The following LRFN2 variants were observed in gnomAD, a reference collection of about 807,000 sequenced individuals.
The protein encoded by LRFN2 is leucine-rich repeat and fibronectin type-III domain-containing protein 2.
In LRFN2, 18 loss-of-function variants were observed where a neutral mutation model predicts 37.3. The ratio of observed to expected loss-of-function variants is 0.48; its 90% CI spans 0.33 to 0.72. LRFN2 has a LOEUF of 0.72. Ranked by LOEUF, LRFN2 falls within the 30% of genes least tolerant of loss-of-function variation. The pLI is 0.02. For synonymous variants in LRFN2, 556 were observed against 466.6 expected (o/e 1.19, Z -2.47); for missense variants, 1,006 against 1,060.7 (o/e 0.95, Z 0.72).
chr6:40,539,787 A>G (rs1581785488), intron 1 of LRFN2, among the ~76,000 whole-genome samples: 2 of 152,194 alleles, frequency 1.3e-5, no homozygotes, highest in East Asian at 3.9e-4. Flanking sequence ...GAGAGGTTTT[A>G]GAGGGGTGTG....
At chr6:40,540,088 A>G (rs1766524636) in intron 1 of LRFN2, among the ~76,000 whole-genome samples, 1 of 152,162 alleles carries the variant, frequency 6.6e-6, no homozygotes, top group Non-Finnish European at 1.5e-5. Context: ...TTGAGAGAAC[A>G]CATGTGGTGT....
At chr6:40,494,983 G>T (rs1056277934) in intron 1 of LRFN2, among the ~76,000 whole-genome samples, 1 of 152,032 alleles carries the variant, frequency 6.6e-6, no homozygotes. Flanking sequence ...CCCAACCCTG[G>T]TTAAACCCAA....
chr6:40,478,780 A>G lies in LRFN2; in HGVS notation c.-18-45649T>C, dbSNP rs1290650870. On this transcript the variant is annotated intron_variant, in intron 1 of 2. Coordinates refer to ENST00000338305, the MANE Select transcript of LRFN2 (RefSeq NM_020737.3). ...TGTATGTGTGTGTATGCACACATGC[A>G]CATATGTGTAGTGTGTGAGGCCACA... 2.6e-5 allele frequency among the ~76,000 whole-genome samples: 4 copies of G among 152,208 alleles called. No individual in the cohort carries two copies. In the South Asian group the frequency reaches 8.3e-4, roughly 32 times the overall value.
At chr6:40,553,599 G>C (rs969657814) in intron 1 of LRFN2, among the ~76,000 whole-genome samples, 16 of 152,184 alleles carry the variant, frequency 1.1e-4, no homozygotes, top group Admixed American at 5.9e-4. Flanking sequence ...TCTGCATCAT[G>C]TTCTGAGATC....
chr6:40,463,594 T>C (rs548262028), intron 1 of LRFN2, among the ~76,000 whole-genome samples: 75 of 152,196 alleles, frequency 4.9e-4, no homozygotes, highest in Admixed American at 9.8e-4. Flanking sequence ...CCCAGAGTTT[T>C]AAGTGAGCAG....
chr6:40,419,992 C>A (rs1251899484), intron 2 of LRFN2, among the ~76,000 whole-genome samples: 1 of 152,224 alleles, frequency 6.6e-6, no homozygotes, highest in African/African-American at 2.4e-5. Flanking sequence ...TGGTGTTTAA[C>A]AGATCTCTTC....
chr6:40,487,481 T>C (rs368606904), intron 1 of LRFN2, among the ~76,000 whole-genome samples: 20 of 152,310 alleles, frequency 1.3e-4, no homozygotes, highest in African/African-American at 4.8e-4. Flanking sequence ...CTCATCTCAC[T>C]AAATGGCAAC....
chr6:40,541,139 A>T (rs1211977992), intron 1 of LRFN2, among the ~76,000 whole-genome samples: 1 of 151,260 alleles, frequency 6.6e-6, no homozygotes, highest in African/African-American at 2.4e-5. Context: ...TCAGATCCTG[A>T]CTCCTTCCCC....
chr6:40,453,599 G>A (rs150310593), intron 1 of LRFN2, among the ~76,000 whole-genome samples: 10 of 151,568 alleles, frequency 6.6e-5, no homozygotes, highest in African/African-American at 1.5e-4. Flanking sequence ...CTCTCTTTGC[G>A]TTGACTTTGA....
At position 40,399,654 on chromosome 6, in the gene LRFN2, T is replaced by A. The variant is rs149917592; in HGVS notation, c.1401-6742A>T. Among the ~76,000 whole-genome samples the A allele has an allele frequency of 9.2e-3, 1,386 of 151,448 alleles. 35 individuals carry two copies. Among genetic ancestry groups the A allele is most frequent in the Non-Finnish European group, 0.013 (877 of 67,732 alleles). ...GGTTTCACCATGTTGCCCACGGTGG[T>A]CTTGAACTCTTGAGCTCAGACCATC... On this transcript the variant is annotated intron_variant, in intron 2 of 2. Coordinates refer to ENST00000338305, the MANE Select transcript of LRFN2 (RefSeq NM_020737.3).
At chr6:40,522,202 C>T (rs1190945410) in intron 1 of LRFN2, among the ~76,000 whole-genome samples, 1 of 152,028 alleles carries the variant, frequency 6.6e-6, no homozygotes, top group Non-Finnish European at 1.5e-5. Context: ...AACTAAATGG[C>T]AATGTGGGAC....
At chr6:40,543,305 C>A (rs1034693119) in intron 1 of LRFN2, among the ~76,000 whole-genome samples, 1 of 152,226 alleles carries the variant, frequency 6.6e-6, no homozygotes, top group African/African-American at 2.4e-5. Flanking sequence ...TGGTTAGAGC[C>A]CAGGACACAC....
At chr6:40,524,207 C>T (rs1325435913) in intron 1 of LRFN2, among the ~76,000 whole-genome samples, 1 of 152,146 alleles carries the variant, frequency 6.6e-6, no homozygotes, top group Non-Finnish European at 1.5e-5. Flanking sequence ...CCCTAACCTA[C>T]CAAAACAAAA....
intron 1 of LRFN2, among the ~76,000 whole-genome samples, chr6:40,530,161 G>A (rs1428359953): frequency 1.3e-5 from 2 of 152,112 alleles, no homozygotes; most frequent in Non-Finnish European, 2.9e-5. Flanking sequence ...CCATCCTCTG[G>A]ACTCTGTGCC....
At chr6:40,511,186 A>G (rs991869976) in intron 1 of LRFN2, among the ~76,000 whole-genome samples, 2 of 152,092 alleles carry the variant, frequency 1.3e-5, no homozygotes, top group Admixed American at 1.3e-4. Context: ...CAAAAATAAC[A>G]TGTATGGGTC....
At chr6:40,530,857 T>C (rs569788946) in intron 1 of LRFN2, among the ~76,000 whole-genome samples, 2 of 152,268 alleles carry the variant, frequency 1.3e-5, no homozygotes, top group East Asian at 3.9e-4. Flanking sequence ...TCTTTGCTGC[T>C]TCATATGCTG....
rs183858788 is a variant in LRFN2 at position 40,554,553 on chromosome 6, G to A, written c.-19+32388C>T. ...CATGGGAATTGGTATTCTTTTGCTC[G>A]CTTCCCAAGAGCAATCACGAATGCA... On this transcript the variant is annotated intron_variant, in intron 1 of 2. Transcript: ENST00000338305. 1.5e-4 allele frequency among the ~76,000 whole-genome samples: 23 copies of A among 152,266 alleles called. No individual in the cohort carries two copies. The East Asian group carries it at 3.1e-3, about 20-fold the overall frequency.
At chr6:40,512,257 G>A (rs530438229) in intron 1 of LRFN2, among the ~76,000 whole-genome samples, 1 of 152,296 alleles carries the variant, frequency 6.6e-6, no homozygotes, top group East Asian at 1.9e-4. Flanking sequence ...TGCACTTAGG[G>A]AGGTACTTAC....
intron 2 of LRFN2, among the ~76,000 whole-genome samples, chr6:40,426,711 C>A (rs1402948027): frequency 6.6e-6 from 1 of 152,198 alleles, no homozygotes; most frequent in African/African-American, 2.4e-5. Flanking sequence ...GTTAAAGGAG[C>A]CATGAGTTCT....
Sources: gnomAD v4.1 joint callset for allele counts (sites outside exome capture counted in the v4.1 genomes callset) on GRCh38, gnomAD v4.1.1 for gene constraint, MANE v1.5 for transcripts, NCBI Gene and HGNC (gene_info 2026-07-23, HGNC 2026-07-21) for gene names.